The following CAMTA1 variants were observed in gnomAD, a reference collection of about 807,000 sequenced individuals.
The protein encoded by CAMTA1 is calmodulin binding transcription activator 1.
CAMTA1 carries 27 observed loss-of-function variants against 170.9 expected under a neutral mutation model. The ratio of observed to expected loss-of-function variants is 0.16; its 90% confidence interval spans 0.12 to 0.22. The LOEUF is 0.22. Among genes scored for constraint, CAMTA1 ranks in the 10% least tolerant of loss-of-function variants. CAMTA1 has a pLI of 1.00. For synonymous variants in CAMTA1, 833 were observed against 891.5 expected (o/e 0.93, Z 1.17); for missense variants, 1,619 against 2,217.2 (o/e 0.73, Z 5.42).
Position 7,333,493 on chromosome 1 carries a change from A to G in CAMTA1, c.438+83867A>G, listed in dbSNP as rs139559292. Among the ~76,000 whole-genome samples, 553 of 152,350 alleles carry G rather than the reference A, an allele frequency of 3.6e-3. 8 individuals are homozygous for G. The highest frequency in any genetic ancestry group is 0.023 in the Admixed American group (358 of 15,306). On this transcript the variant is annotated intron_variant, in intron 5 of 22. Transcript: ENST00000303635. The surrounding 1 kb of genome is among the most constrained non-coding windows in gnomAD (Gnocchi z 4.4). ...CCTTTGCACTGGGAGATTTCCCGGC[A>G]GAGGTCCTACATTTCGGCAGTGAGA...
chr1:6,948,350 T>C (rs1052991994), intron 3 of CAMTA1, among the ~76,000 whole-genome samples: 4 of 152,206 alleles, frequency 2.6e-5, no homozygotes, highest in Non-Finnish European at 4.4e-5. Flanking sequence ...GAAGTCTCAC[T>C]GGTAGCACTA....
chr1:7,704,939 C>T (rs1482687652), intron 11 of CAMTA1, among the ~76,000 whole-genome samples: 7 of 91,762 alleles, frequency 7.6e-5, no homozygotes. Context: ...CGCGTGCGGT[C>T]GAGGGCGGCG....
intron 4 of CAMTA1, among the ~76,000 whole-genome samples, chr1:7,128,659 A>AT (rs753333323): frequency 0.017 from 2,330 of 140,362 alleles, 28 homozygotes; most frequent in Non-Finnish European, 0.021. Context: ...GATTAGCCCT[A>AT]TTTTTTTTTT....
rs2149311733 is a variant in CAMTA1, at chr1:6,918,892, T to C, written c.234+93682T>C. Among the ~76,000 whole-genome samples, 1 of 152,206 alleles carries C rather than the reference T, an allele frequency of 6.6e-6. No homozygotes were observed. The highest frequency in any genetic ancestry group is 1.9e-4 in the East Asian group (1 of 5,164). ...AGCAGAACTAGCCGCTCTCATGGCC[T>C]CAAATTCAAGGGTGTGGCCGCTCCA... On this transcript the variant is annotated intron_variant, in intron 3 of 22. Transcript: ENST00000303635. The surrounding 1 kb of genome is among the most constrained non-coding windows in gnomAD (Gnocchi z 4.0).
At chr1:6,885,571 G>A (rs1367031375) in intron 3 of CAMTA1, among the ~76,000 whole-genome samples, 3 of 152,208 alleles carry the variant, frequency 2.0e-5, no homozygotes, top group African/African-American at 7.2e-5. Flanking sequence ...CAGTAGGCAA[G>A]CCTTTGCCCC....
intron 6 of CAMTA1, among the ~76,000 whole-genome samples, chr1:7,630,626 A>C (rs1258944969): frequency 6.6e-6 from 1 of 152,238 alleles, no homozygotes; most frequent in Non-Finnish European, 1.5e-5. Context: ...CCTCCAAAGC[A>C]GGGAAGGGCT....
At chr1:7,055,308 ATTAAGAACCAGAG>A (rs1199406257) in intron 3 of CAMTA1, among the ~76,000 whole-genome samples, 1 of 152,198 alleles carries the variant, frequency 6.6e-6, no homozygotes, top group African/African-American at 2.4e-5. Flanking sequence ...AAGCCCCAGA[ATTAAGAACCAGAG>A]CCTTCCCTTT....
chr1:6,924,709 A>G (rs1682741844), intron 3 of CAMTA1, among the ~76,000 whole-genome samples: 1 of 152,210 alleles, frequency 6.6e-6, no homozygotes. Context: ...TTCCGAGGCT[A>G]TTTATAAACT....
At chr1:7,669,036 T>A (rs911933162) in intron 9 of CAMTA1, among the ~76,000 whole-genome samples, 3 of 152,080 alleles carry the variant, frequency 2.0e-5, no homozygotes, top group African/African-American at 7.2e-5. Flanking sequence ...GCTGCAAATA[T>A]CCCTGGGCAT....
At position 6,916,169 on chromosome 1, in the gene CAMTA1, G is replaced by A. The variant is rs187462784; in HGVS notation, c.234+90959G>A. Among the ~76,000 whole-genome samples the A allele has an allele frequency of 3.9e-5, 6 of 152,242 alleles. No individual in the cohort carries two copies. The East Asian group carries it at 7.7e-4, about 20-fold the overall frequency. ...TTCCTCTTTGCTTTCTCCTGCTATC[G>A]GGTGGGAATCCTCAGGACCACAGAG... On this transcript the variant is annotated intron_variant, in intron 3 of 22. Transcript: ENST00000303635.
chr1:7,034,900 A>G (rs1162243348), intron 3 of CAMTA1, among the ~76,000 whole-genome samples: 1 of 152,238 alleles, frequency 6.6e-6, no homozygotes, highest in East Asian at 1.9e-4. Flanking sequence ...CTAAAGAACC[A>G]TAGTTTTAAA....
intron 1 of CAMTA1, among the ~76,000 whole-genome samples, chr1:6,819,722 G>T (rs182055395): frequency 9.8e-5 from 15 of 152,304 alleles, no homozygotes; most frequent in Admixed American, 7.2e-4. Context: ...TGAGCCATTT[G>T]AGGATAAATT....
chr1:7,519,863 T>G (rs4908645), intron 6 of CAMTA1, among the ~76,000 whole-genome samples: 28,175 of 151,382 alleles, frequency 0.19, 3,552 homozygotes, highest in East Asian at 0.46. Flanking sequence ...CCCCTCTATC[T>G]GCACAGCCAC....
At chr1:7,554,647 A>G (rs567386449) in intron 6 of CAMTA1, among the ~76,000 whole-genome samples, 15 of 152,030 alleles carry the variant, frequency 9.9e-5, no homozygotes, top group Middle Eastern at 3.4e-3. Context: ...TCTTTCTGCC[A>G]TTTTCAGCCT....
intron 4 of CAMTA1, among the ~76,000 whole-genome samples, chr1:7,209,362 A>G (rs1350810010): frequency 2.0e-5 from 3 of 152,214 alleles, no homozygotes; most frequent in African/African-American, 7.2e-5. Flanking sequence ...TGTCATCTCA[A>G]ATGCAAATTG....
chr1:7,036,398 T>A (rs1359228137), intron 3 of CAMTA1, among the ~76,000 whole-genome samples: 2 of 152,190 alleles, frequency 1.3e-5, no homozygotes, highest in African/African-American at 2.4e-5. Context: ...CCCACCACGA[T>A]TATTATCATA....
intron 1 of CAMTA1, among the ~76,000 whole-genome samples, chr1:6,795,104 G>A (rs983904173): frequency 1.3e-5 from 2 of 152,130 alleles, no homozygotes; most frequent in Non-Finnish European, 2.9e-5. Context: ...AAGATTTAAA[G>A]TTGGGGGGCG....
At chr1:7,512,015 T>C (rs776402134) in intron 6 of CAMTA1, among the ~76,000 whole-genome samples, 1 of 152,242 alleles carries the variant, frequency 6.6e-6, no homozygotes, top group Non-Finnish European at 1.5e-5. Context: ...TGCCTGGCTC[T>C]GCGCTCAGCT....
intron 5 of CAMTA1, among the ~76,000 whole-genome samples, chr1:7,267,292 T>G (rs1409438024): frequency 6.6e-6 from 1 of 152,216 alleles, no homozygotes; most frequent in Non-Finnish European, 1.5e-5. Flanking sequence ...CATCAATTCA[T>G]ATCCATGAGT....
Sources: allele counts gnomAD v4.1 joint callset (sites outside exome capture counted in the v4.1 genomes callset), GRCh38; gene constraint gnomAD v4.1.1; non-coding constraint Gnocchi (gnomAD v3.1); transcripts MANE v1.5; gene names NCBI Gene and HGNC (gene_info 2026-07-23, HGNC 2026-07-21).